Variants in TMEM163 observed in about 807,000 individuals in gnomAD.
TMEM163 encodes transmembrane protein 163.
In TMEM163, 17 loss-of-function variants were observed where a neutral mutation model predicts 29.3. The ratio of observed to expected loss-of-function variants is 0.58; its 90% confidence interval spans 0.40 to 0.87. The LOEUF is 0.87. TMEM163 is among the 40% of genes least tolerant of loss of function. The pLI is 0.00. For synonymous variants in TMEM163, 157 were observed against 160.6 expected (o/e 0.98, Z 0.17); for missense variants, 303 against 381.5 (o/e 0.79, Z 1.71).
chr2:134,670,366 A>G (rs1409803503), intron 2 of TMEM163, among the ~76,000 whole-genome samples: 2 of 152,204 alleles, frequency 1.3e-5, no homozygotes, highest in Non-Finnish European at 2.9e-5. Context: ...GGCAGTCGCC[A>G]TGGCTAGAAG....
At position 134,700,942 on chromosome 2, in the gene TMEM163, A is replaced by T. The variant is rs4422214; in HGVS notation, c.322+12258T>A. 2.2e-3 allele frequency among the ~76,000 whole-genome samples: 260 copies of T among 119,304 alleles called. 1 individual carries two copies. The highest frequency in any genetic ancestry group is 3.1e-3 in the East Asian group (15 of 4,850). The allele number at this position is 119,304 out of a possible 152,430, so 78.3% of individuals were successfully genotyped here. Reference sequence around the variant, plus strand: ...AATAAATAAATAAATAAATAAATAAATAAATAAAGTAAAAAATAAAAAGAC... The same window carrying T: ...AATAAATAAATAAATAAATAAATAATTAAATAAAGTAAAAAATAAAAAGAC... On this transcript the variant is annotated intron_variant, in intron 2 of 7. Coordinates refer to ENST00000281924, the MANE Select transcript of TMEM163 (RefSeq NM_030923.5).
chr2:134,598,790 C>T (rs1682152486), intron 2 of TMEM163, among the ~76,000 whole-genome samples: 2 of 151,750 alleles, frequency 1.3e-5, no homozygotes, highest in Admixed American at 6.6e-5. Flanking sequence ...TATGGTGGCT[C>T]ATGCCTGAAG....
At chr2:134,465,198 A>AACAAAAAC (rs1686639796) in intron 6 of TMEM163, among the ~76,000 whole-genome samples, 2 of 144,364 alleles carry the variant, frequency 1.4e-5, no homozygotes, top group South Asian at 2.1e-4. Flanking sequence ...TTAAAAAAAA[A>AACAAAAAC]AAAAACAAAA....
intron 2 of TMEM163, among the ~76,000 whole-genome samples, chr2:134,561,632 T>C (rs543935825): frequency 6.6e-6 from 1 of 152,332 alleles, no homozygotes; most frequent in South Asian, 2.1e-4. Context: ...AGGTTCTTGC[T>C]GAATGTCACT....
At chr2:134,612,000 G>A (rs958606035) in intron 2 of TMEM163, among the ~76,000 whole-genome samples, 27 of 152,274 alleles carry the variant, frequency 1.8e-4, no homozygotes, top group Admixed American at 1.4e-3. Flanking sequence ...AAGAAACACC[G>A]GAAAACCAAC....
intron 2 of TMEM163, among the ~76,000 whole-genome samples, chr2:134,590,222 A>C (rs1188144611): frequency 3.9e-5 from 6 of 152,242 alleles, no homozygotes; most frequent in African/African-American, 1.4e-4. Flanking sequence ...TCTAGTACAG[A>C]AACAGAAAGG....
chr2:134,656,102 T>A, intron 2 of TMEM163, among the ~76,000 whole-genome samples: 1 of 143,690 alleles, frequency 7.0e-6, no homozygotes, highest in Non-Finnish European at 1.5e-5. Context: ...GGCTGCTTTG[T>A]TTACCTAAGC....
chr2:134,677,621 T>C (rs1684144565), intron 2 of TMEM163, among the ~76,000 whole-genome samples: 2 of 152,212 alleles, frequency 1.3e-5, no homozygotes, highest in Admixed American at 1.3e-4. Flanking sequence ...AAACTCTATC[T>C]ATAATATGAC....
chr2:134,677,223 G>A (rs558456838), intron 2 of TMEM163, among the ~76,000 whole-genome samples: 32 of 152,282 alleles, frequency 2.1e-4, no homozygotes, highest in African/African-American at 7.0e-4. Context: ...ACGTTGGGAC[G>A]GAGGCTGCAG....
intron 5 of TMEM163, chr2:134,467,461 T>C (rs1216755693): frequency 6.6e-6 from 1 of 152,234 alleles, no homozygotes; most frequent in East Asian, 1.9e-4. Flanking sequence ...TGATACGATG[T>C]GACAAGAAGG....
chr2:134,633,760 G>A (rs186834250), intron 2 of TMEM163, among the ~76,000 whole-genome samples: 2,501 of 151,804 alleles, frequency 0.016, 84 homozygotes, highest in African/African-American at 0.057. Flanking sequence ...TCAGGAGTTC[G>A]AGACCAGACT....
chr2:134,558,030 A>G (rs571887756), intron 2 of TMEM163, among the ~76,000 whole-genome samples: 91 of 152,312 alleles, frequency 6.0e-4, no homozygotes, highest in African/African-American at 2.1e-3. Context: ...ACTCACAAAA[A>G]TATCAACAAA....
At chr2:134,709,340 C>T (rs1285497426) in intron 2 of TMEM163, among the ~76,000 whole-genome samples, 3 of 152,204 alleles carry the variant, frequency 2.0e-5, no homozygotes, top group African/African-American at 4.8e-5. Flanking sequence ...AAAATCACTA[C>T]ATTACCAAGT....
chr2:134,648,598 C>T (rs1185194300), intron 2 of TMEM163, among the ~76,000 whole-genome samples: 1 of 152,120 alleles, frequency 6.6e-6, no homozygotes, highest in Non-Finnish European at 1.5e-5. Flanking sequence ...GGAAAAAGAA[C>T]CATCATCCAG....
chr2:134,469,110 C>G (rs1475230426), intron 5 of TMEM163: 3 of 152,130 alleles, frequency 2.0e-5, no homozygotes, highest in African/African-American at 7.2e-5. Context: ...AAGAGAGACA[C>G]AGGAAGCTTG....
Position 134,522,160 on chromosome 2 carries a change from G to A in TMEM163, c.459-19163C>T, listed in dbSNP as rs143514372. Among the ~76,000 whole-genome samples the A allele has an allele frequency of 1.1e-4, 16 of 151,896 alleles. 2 individuals carry two copies. The highest frequency in any genetic ancestry group is 3.9e-4 in the African/African-American group (16 of 41,464). ...AGGAGTCTTTATAAGCTCCACTGAT[G>A]GCTCTAGAGCACCCAGAAGTCTAAG... is the stretch of plus-strand genomic sequence containing the variant. On this transcript the variant is annotated intron_variant, in intron 4 of 7. Coordinates refer to ENST00000281924, the MANE Select transcript of TMEM163 (RefSeq NM_030923.5).
intron 4 of TMEM163, among the ~76,000 whole-genome samples, chr2:134,509,737 T>C (rs1477955133): frequency 1.3e-5 from 2 of 152,202 alleles, no homozygotes; most frequent in East Asian, 3.9e-4. Flanking sequence ...CACTTGTGAA[T>C]GTGAAAATAG....
chr2:134,468,352 C>G (rs1332554884), intron 5 of TMEM163: 1 of 152,386 alleles, frequency 6.6e-6, no homozygotes, highest in Non-Finnish European at 1.5e-5. Flanking sequence ...AAAAGGGGCC[C>G]CACCAGGCAC....
At chr2:134,502,784 G>C (rs1679727084) in intron 5 of TMEM163, 117 bp downstream of exon 5, 2 of 783,618 alleles carry the variant, frequency 2.6e-6, no homozygotes, top group South Asian at 4.0e-5. Flanking sequence ...CTGACCCCCA[G>C]AATGTTGTCT....
Sources: gnomAD v4.1 joint callset for allele counts (sites outside exome capture counted in the v4.1 genomes callset) on GRCh38, gnomAD v4.1.1 for gene constraint, MANE v1.5 for transcripts, NCBI Gene and HGNC (gene_info 2026-07-23, HGNC 2026-07-21) for gene names.